ZNF10: variants seen among roughly 807,000 people sequenced by gnomAD.
The protein encoded by ZNF10 is zinc finger protein 10 (KOX 1).
In ZNF10, 8 loss-of-function variants were observed where a neutral mutation model predicts 12.2. The ratio of observed to expected loss-of-function variants is 0.66; its 90% CI spans 0.39 to 1.18. The LOEUF (loss-of-function observed/expected upper bound fraction) is 1.18. Among genes scored for constraint, ZNF10 ranks in the 50% most tolerant of loss-of-function variants. The probability of loss-of-function intolerance (pLI) is 0.01; values close to 1 mark genes in which losing one functional copy is unlikely to be tolerated. For missense variants in ZNF10, 603 were observed against 678.9 expected (o/e 0.89, Z 1.24); for synonymous variants, 229 against 228.2 (o/e 1.00, Z -0.03).
At position 133,157,872 on chromosome 12, in the gene ZNF10, A is replaced by G. The variant is rs1956052055; in HGVS notation, c.*904A>G. 1 of 152,188 alleles carries G rather than the reference A, an allele frequency of 6.6e-6. No individual in the cohort carries two copies. The highest frequency in any genetic ancestry group is 1.5e-5 in the Non-Finnish European group (1 of 68,028). The allele number at this position is 152,188 out of a possible 1,614,324, so 9.4% of individuals were successfully genotyped here. On this transcript the variant is annotated 3_prime_UTR_variant, in exon 5 of 5. Transcript: ENST00000248211. ...AGTAATTCTCTGGATGTTAGGACCT[A>G]GGGGAACATTGGGCATTTGAACATA...
Position 133,156,163 on chromosome 12 carries a change from C to G in ZNF10, c.917C>G (p.Ser306Cys). The G allele has an allele frequency of 6.2e-7, 1 of 1,613,738 alleles. No individual in the cohort carries two copies. Among genetic ancestry groups the G allele is most frequent in the Non-Finnish European group, 8.5e-7 (1 of 1,180,014 alleles). The change falls in exon 5 of 5, where the codon TCT (serine) becomes TGT (cysteine). Residue 306 changes from serine (S) to cysteine (C), a missense_variant. Coordinates refer to ENST00000248211, the MANE Select transcript of ZNF10 (RefSeq NM_015394.5). Reference sequence around the variant, plus strand: ...TGTGGAAAGTCTTTCAGCCGGAGTTCTCACCTCATTGGACATCAAAAGACC... The same window carrying G: ...TGTGGAAAGTCTTTCAGCCGGAGTTGTCACCTCATTGGACATCAAAAGACC... ...KECGKSFSRS[S>C]HLIGHQKTHT...
rs958508820 is a variant in ZNF10 at position 133,157,255 on chromosome 12, G to T, written c.*287G>T. ...AATCTGAGAAGGAATTATTAAATAGGTGAGTTGTTGAGCGAGAACCCCTTC... is the reference window on the plus strand; with the variant it reads ...AATCTGAGAAGGAATTATTAAATAGTTGAGTTGTTGAGCGAGAACCCCTTC... On this transcript the variant is annotated 3_prime_UTR_variant, in exon 5 of 5. Transcript: ENST00000248211. The T allele has an allele frequency of 1.2e-5, 3 of 257,088 alleles. No individual in the cohort carries two copies. The highest frequency in any genetic ancestry group is 1.1e-4 in the Admixed American group (2 of 18,438). 15.9% of individuals were successfully genotyped at this position (257,088 alleles called of 1,614,324 possible).
At chr12:133,137,620 A>G (rs929279324) in intron 1 of ZNF10, among the ~76,000 whole-genome samples, 1 of 152,188 alleles carries the variant, frequency 6.6e-6, no homozygotes, top group African/African-American at 2.4e-5. Flanking sequence ...CATTGCTGTT[A>G]TTATAGCAGT....
chr12:133,144,921 C>T lies in ZNF10; in HGVS notation c.33+396C>T, dbSNP rs760027336. On this transcript the variant is annotated intron_variant, in intron 2 of 4. Coordinates refer to ENST00000248211, the MANE Select transcript of ZNF10 (RefSeq NM_015394.5). The stretch of plus-strand genomic sequence containing the variant: ...TTGTTTAGACGGAGTCTTGCTCTGT[C>T]ACCCAGGCTAGAGTCCAGTGGCGCG... 3.7e-4 allele frequency: 166 copies of T among 445,466 alleles called. 1 individual carries two copies. The highest frequency in any genetic ancestry group is 6.2e-4 in the Non-Finnish European group (138 of 222,802). The allele number at this position is 445,466 out of a possible 1,614,324, so 27.6% of individuals were successfully genotyped here. A position where few individuals can be genotyped will look rare whatever the true frequency, so the allele number is the denominator to read the frequency against.
chr12:133,139,727 G>A (rs1176003679), intron 1 of ZNF10, among the ~76,000 whole-genome samples: 1 of 152,074 alleles, frequency 6.6e-6, no homozygotes, highest in Middle Eastern at 3.2e-3. Flanking sequence ...TGACTGATTG[G>A]ATGTTAAAAA....
intron 1 of ZNF10, among the ~76,000 whole-genome samples, chr12:133,131,581 G>A (rs1454947195): frequency 6.6e-6 from 1 of 151,938 alleles, no homozygotes; most frequent in Non-Finnish European, 1.5e-5. Context: ...TCCGAGAACT[G>A]GATAGCACAA....
At position 133,156,655 on chromosome 12, in the gene ZNF10, T is replaced by C. The variant is rs1412907360; in HGVS notation, c.1409T>C (p.Phe470Ser). The change falls in exon 5 of 5, where the codon TTC becomes TCC. Residue 470 changes from phenylalanine to serine, a missense_variant. Phe to Ser is a radical substitution (Grantham distance 155). Transcript: ENST00000248211. ...PYECHDCGKS[F>S]SQSSALIVHQ... ...GAGTGTCATGATTGTGGAAAATCTT[T>C]CAGCCAGAGTTCTGCCCTTATTGTG... The C allele has an allele frequency of 2.5e-6, 4 of 1,614,016 alleles. No homozygotes were observed. Among genetic ancestry groups the C allele is most frequent in the African/African-American group, 2.7e-5 (2 of 74,934 alleles).
chr12:133,154,812 C>CA (rs1460317326), intron 4 of ZNF10, among the ~76,000 whole-genome samples: 1 of 152,218 alleles, frequency 6.6e-6, no homozygotes, highest in Non-Finnish European at 1.5e-5. Context: ...CGCACTGGCT[C>CA]ACGCCTATAA....
chr12:133,132,914 A>G (rs2137636127), intron 1 of ZNF10, among the ~76,000 whole-genome samples: 1 of 152,282 alleles, frequency 6.6e-6, no homozygotes, highest in South Asian at 2.1e-4. Flanking sequence ...TACTGTACCT[A>G]ATTTTAACAC....
In ZNF10 at chr12:133,156,003, C is replaced by G; in HGVS notation, c.757C>G (p.Leu253Val). The change falls in exon 5 of 5, where the codon CTT (leucine) becomes GTT (valine). Residue 253 changes from leucine to valine, a missense_variant. Physicochemically the swap from Leu to Val is conservative, Grantham distance 32. This residue lies in a region of ZNF10 where 393 missense variants were observed against 399.7 expected (regional missense o/e 0.98). Transcript: ENST00000248211. ...CAACTCTCTTACTCATGGTTCATCT[C>G]TTGGTATATCAAAGGGCATACATAG... Reference protein sequence around the residue: ...NDNSLTHGSSLGISKGIHREK... With the variant: ...NDNSLTHGSSVGISKGIHREK... The G allele has an allele frequency of 6.2e-7, 1 of 1,613,914 alleles. No homozygotes were observed. Among genetic ancestry groups the G allele is most frequent in the Non-Finnish European group, 8.5e-7 (1 of 1,180,022 alleles).
chr12:133,149,514 C>T (rs1218746190), intron 2 of ZNF10, among the ~76,000 whole-genome samples: 3 of 151,598 alleles, frequency 2.0e-5, no homozygotes, highest in Non-Finnish European at 2.9e-5. Flanking sequence ...CATGCCACCA[C>T]GCCTGGTTAA....
At position 133,158,085 on chromosome 12, in the gene ZNF10, AG is replaced by A. The variant is rs1956053140; in HGVS notation, c.*1118del. The A allele has an allele frequency of 6.6e-6, 1 of 152,188 alleles. No individual in the cohort carries two copies. Among genetic ancestry groups the A allele is most frequent in the African/African-American group, 2.4e-5 (1 of 41,454 alleles). 9.4% of individuals were successfully genotyped at this position (152,188 alleles called of 1,614,324 possible). A position where few individuals can be genotyped will look rare whatever the true frequency, so the allele number is the denominator to read the frequency against. ...AGACTACCCAGGTTGAAACCCCACT[AG>A]CTGGGTGATCTTGAACATGCTGCTT... On this transcript the variant is annotated 3_prime_UTR_variant, in exon 5 of 5. Coordinates refer to ENST00000248211, the MANE Select transcript of ZNF10 (RefSeq NM_015394.5).
Position 133,156,839 on chromosome 12 carries a change from A to G in ZNF10, c.1593A>G (p.Pro531=). 1 of 1,533,164 alleles carries G rather than the reference A, an allele frequency of 6.5e-7. No individual in the cohort carries two copies. Among genetic ancestry groups the G allele is most frequent in the Non-Finnish European group, 8.7e-7 (1 of 1,144,256 alleles). The allele number at this position is 1,533,164 out of a possible 1,614,324, so 95.0% of individuals were successfully genotyped here. A position where few individuals can be genotyped will look rare whatever the true frequency, so the allele number is the denominator to read the frequency against. The change falls in exon 5 of 5, where the codon CCA becomes CCG. Residue 531 remains proline (P), a synonymous_variant. Coordinates refer to ENST00000248211, the MANE Select transcript of ZNF10 (RefSeq NM_015394.5). The part of the protein sequence containing the change: ...QCGIIFSQNS[P]FIVHQIAHTG... Reference sequence around the variant, plus strand: ...GCATTATCTTCAGCCAGAACTCTCCATTTATAGTTCATCAAATAGCTCACA... The same window carrying G: ...GCATTATCTTCAGCCAGAACTCTCCGTTTATAGTTCATCAAATAGCTCACA...
intron 1 of ZNF10, among the ~76,000 whole-genome samples, chr12:133,131,752 G>A (rs925911733): frequency 2.6e-5 from 4 of 152,088 alleles, no homozygotes; most frequent in African/African-American, 9.7e-5. Context: ...TTTGTTTTTT[G>A]ATTACTTCTC....
rs189476627 is a variant in ZNF10, at chr12:133,139,905, A to T, written c.-59-4529A>T. ...TGAGACCCCTATCGCTGCAAAAAAA[A>T]TTTTTTTAATTAGCCAGGCTGGGCA... On this transcript the variant is annotated intron_variant, in intron 1 of 4. Transcript: ENST00000248211. Among the ~76,000 whole-genome samples, 331 of 152,038 alleles carry T rather than the reference A, an allele frequency of 2.2e-3. 2 individuals are homozygous for T. Among genetic ancestry groups the T allele is most frequent in the African/African-American group, 7.0e-3 (292 of 41,454 alleles).
chr12:133,148,503 C>T (rs896887503), intron 2 of ZNF10, among the ~76,000 whole-genome samples: 27 of 152,154 alleles, frequency 1.8e-4, no homozygotes, highest in African/African-American at 6.0e-4. Flanking sequence ...TGTTTTCTTA[C>T]AGAAGTTTTA....
In ZNF10 at chr12:133,156,676, T is replaced by C. The variant is rs752045827; in HGVS notation, c.1430T>C (p.Ile477Thr). 5.6e-6 allele frequency: 9 copies of C among 1,614,020 alleles called. No homozygotes were observed. The South Asian group carries it at 6.6e-5, about 12-fold the overall frequency. ...TCTTTCAGCCAGAGTTCTGCCCTTA[T>C]TGTGCATCAGAGGATACACACTGGA... ...GKSFSQSSAL[I>T]VHQRIHTGEK... Residue 477 changes from isoleucine (I) to threonine (T), a missense_variant, in exon 5 of 5, where the codon ATT (isoleucine) becomes ACT (threonine). Ile to Thr is a moderately conservative substitution (Grantham distance 89). Transcript: ENST00000248211.
chr12:133,152,578 G>A (rs1956015690), intron 4 of ZNF10, among the ~76,000 whole-genome samples: 1 of 152,074 alleles, frequency 6.6e-6, no homozygotes, highest in Non-Finnish European at 1.5e-5. Context: ...ACCACGCCCA[G>A]CTAATTTTTG....
chr12:133,132,101 A>G (rs1246100237), intron 1 of ZNF10, among the ~76,000 whole-genome samples: 3 of 152,196 alleles, frequency 2.0e-5, no homozygotes, highest in African/African-American at 7.2e-5. Flanking sequence ...TTATTTTTAA[A>G]AAGTCTTCAC....
Sources: gnomAD v4.1 joint callset for allele counts (sites outside exome capture counted in the v4.1 genomes callset) on GRCh38, gnomAD v4.1.1 for gene constraint, gnomAD v4.1.1 regional missense constraint, MANE v1.5 for transcripts, NCBI Gene and HGNC (gene_info 2026-07-23, HGNC 2026-07-21) for gene names.